The following BMX variants were observed in gnomAD, a reference collection of about 807,000 sequenced individuals.
BMX encodes BMX non-receptor tyrosine kinase.
A neutral mutation model predicts 59.2 loss-of-function variants in BMX; 31 were observed. The observed-to-expected ratio is 0.52, with a 90% confidence interval of 0.39 to 0.71. BMX has a LOEUF of 0.71. BMX is among the 30% of genes least tolerant of loss of function. BMX has a pLI of 0.00. For synonymous variants in BMX, 185 were observed against 181.0 expected (o/e 1.02, Z -0.18); for missense variants, 474 against 491.7 (o/e 0.96, Z 0.34).
At chrX:15,506,086 C>T (rs1410930241) in intron 1 of BMX, among the ~76,000 whole-genome samples, 1 of 110,542 alleles carries the variant, frequency 9.0e-6, no homozygotes, top group African/African-American at 3.3e-5. Context: ...GAGACAGGAT[C>T]TCACTATGTT....
chrX:15,546,786 T>A lies in BMX; in HGVS notation c.1677-17T>A. The A allele has an allele frequency of 1.7e-6, 2 of 1,181,562 alleles. No individual in the cohort carries two copies. The highest frequency in any genetic ancestry group is 2.3e-6 in the Non-Finnish European group (2 of 868,911). On this transcript the variant is annotated splice_polypyrimidine_tract_variant and intron_variant, in intron 16 of 18. Transcript: ENST00000348343. The stretch of plus-strand genomic sequence containing the variant: ...CACCACGGCTTAAGGTCTGTGTTGA[T>A]GTGTTTTCCCTGGCAGGTATGTTCT...
Position 15,542,157 on chromosome X carries a change from A to G in BMX, c.1570A>G (p.Met524Val), listed in dbSNP as rs1221736172. 3.3e-6 allele frequency: 4 copies of G among 1,211,461 alleles called. No homozygotes were observed. In the South Asian group the frequency reaches 7.0e-5, roughly 21 times the overall value. ...AATGTGCTACGATGTCTGTGAAGGC[A>G]TGGCCTTCTTGGAGAGTCACCAATT... ...LEMCYDVCEGMAFLESHQFIH... is the reference protein window; with the variant it reads ...LEMCYDVCEGVAFLESHQFIH... Residue 524 changes from methionine to valine, a missense_variant, in exon 15 of 19, where the codon ATG (methionine) becomes GTG (valine). Physicochemically the swap from Met to Val is conservative, Grantham distance 21 (BLOSUM62 1). Transcript: ENST00000348343.
intron 7 of BMX, among the ~76,000 whole-genome samples, chrX:15,525,007 T>C (rs185988738): frequency 4.5e-5 from 5 of 112,326 alleles, no homozygotes. Context: ...CCAGTCAAGA[T>C]GATTTATTAA....
At chrX:15,513,660 A>G (rs904596023) in intron 4 of BMX, among the ~76,000 whole-genome samples, 2 of 112,165 alleles carry the variant, frequency 1.8e-5, no homozygotes, top group African/African-American at 6.5e-5. Flanking sequence ...ATTCAGTGGT[A>G]GCATAGGAGT....
At chrX:15,509,550 G>GAAT in intron 3 of BMX, 117 bp downstream of exon 3, 1 of 521,760 alleles carries the variant, frequency 1.9e-6, no homozygotes, top group East Asian at 4.5e-5. Context: ...ACAAGGCTTG[G>GAAT]AATATTCCCA....
intron 4 of BMX, among the ~76,000 whole-genome samples, chrX:15,512,122 G>A (rs1456250516): frequency 9.0e-6 from 1 of 111,704 alleles, no homozygotes; most frequent in Non-Finnish European, 1.9e-5. Context: ...CCAATACATT[G>A]TAAATGCTAG....
At chrX:15,501,530 A>G (rs1233187098) in intron 1 of BMX, among the ~76,000 whole-genome samples, 1 of 112,233 alleles carries the variant, frequency 8.9e-6, no homozygotes, top group Admixed American at 9.4e-5. Context: ...TGTGGGCCAC[A>G]ATGATTTCAT....
At chrX:15,516,082 C>G in intron 4 of BMX, 30 bp from the exon 5 acceptor site, 1 of 1,201,680 alleles carries the variant, frequency 8.3e-7, no homozygotes, top group Non-Finnish European at 1.1e-6. Context: ...CGTTTGCTAA[C>G]GTCTTGTTTT....
Position 15,522,568 on chromosome X carries a change from C to G in BMX, c.733C>G (p.Gln245Glu), listed in dbSNP as rs1234732079. 2 of 1,211,631 alleles carry G rather than the reference C, an allele frequency of 1.7e-6. No individual in the cohort carries two copies. Among genetic ancestry groups the G allele is most frequent in the East Asian group, 5.9e-5 (2 of 33,820 alleles). ...AAGGGAAGACTTCCCTGACTGGTGG[C>G]AAGTAAGAAAACTGAAAAGGTAATC... ...IPREDFPDWW[Q>E]VRKLKSSSSS... Residue 245 changes from glutamine (Q) to glutamate (E), a missense_variant, in exon 7 of 19, where the codon CAA becomes GAA. Coordinates refer to ENST00000348343, the MANE Select transcript of BMX (RefSeq NM_203281.3).
chrX:15,525,856 C>T (rs918596521), intron 8 of BMX, among the ~76,000 whole-genome samples, 186 bp from the exon 9 acceptor site: 1 of 112,373 alleles, frequency 8.9e-6, no homozygotes, highest in Non-Finnish European at 1.9e-5. Flanking sequence ...ATAAGCCCAA[C>T]TTTTGAGTGA....
At chrX:15,515,000 A>T (rs1376932543) in intron 4 of BMX, among the ~76,000 whole-genome samples, 1 of 111,772 alleles carries the variant, frequency 8.9e-6, no homozygotes, top group Non-Finnish European at 1.9e-5. Context: ...TGTCCTTTGC[A>T]GGGACATGGA....
intron 14 of BMX, 26 bp from the exon 15 acceptor site, chrX:15,541,956 G>T: frequency 1.7e-6 from 2 of 1,178,290 alleles, no homozygotes; most frequent in Non-Finnish European, 2.3e-6. Context: ...GTGGAGCATT[G>T]AACTTTGAAA....
chrX:15,530,798 T>C (rs948382932), intron 10 of BMX, among the ~76,000 whole-genome samples: 1 of 112,288 alleles, frequency 8.9e-6, no homozygotes, highest in Non-Finnish European at 1.9e-5. Context: ...CACTTTGATA[T>C]AGTTTAACCT....
intron 9 of BMX, among the ~76,000 whole-genome samples, chrX:15,528,041 G>A (rs1924880462): frequency 8.9e-6 from 1 of 112,553 alleles, no homozygotes; most frequent in African/African-American, 3.2e-5. Flanking sequence ...CCCTGATTGG[G>A]TAAGCCCAGA....
At chrX:15,530,058 C>T (rs1163304299) in intron 10 of BMX, 31 bp downstream of exon 10, 1 of 1,173,625 alleles carries the variant, frequency 8.5e-7, no homozygotes, top group Non-Finnish European at 1.2e-6. Flanking sequence ...AACAGCCTCA[C>T]AGAATCTCTT....
At chrX:15,535,541 G>A (rs927047672) in intron 12 of BMX, among the ~76,000 whole-genome samples, 1 of 111,730 alleles carries the variant, frequency 9.0e-6, no homozygotes, top group African/African-American at 3.2e-5. Context: ...ATATTAAGAT[G>A]TTTATTTATA....
chrX:15,555,201 C>CTGTT (rs1926369236), intron 18 of BMX, among the ~76,000 whole-genome samples: 1 of 41,592 alleles, frequency 2.4e-5, no homozygotes, highest in Non-Finnish European at 4.1e-5. Flanking sequence ...ACGAGGGAAG[C>CTGTT]TTTTTTTTTT....
At chrX:15,506,202 G>A (rs1923736271) in intron 1 of BMX, among the ~76,000 whole-genome samples, 1 of 111,667 alleles carries the variant, frequency 9.0e-6, no homozygotes, top group African/African-American at 3.3e-5. Flanking sequence ...CCCTGCCTAG[G>A]TGTGAAAGTT....
chrX:15,551,109 A>G (rs1200057658), intron 18 of BMX, among the ~76,000 whole-genome samples: 1 of 111,598 alleles, frequency 9.0e-6, no homozygotes, highest in Non-Finnish European at 1.9e-5. Context: ...GAGACAAGTG[A>G]GAGTTTTGGT....
Sources: gnomAD v4.1 joint callset for allele counts (sites outside exome capture counted in the v4.1 genomes callset) on GRCh38, gnomAD v4.1.1 for gene constraint, MANE v1.5 for transcripts, NCBI Gene and HGNC (gene_info 2026-07-23, HGNC 2026-07-21) for gene names.